KIF1C: variants seen among roughly 807,000 people sequenced by gnomAD.
KIF1C encodes kinesin family member 1C.
Under a neutral mutation model 126.5 loss-of-function variants are expected in KIF1C, and 61 were observed. That is an observed-to-expected ratio of 0.48 (90% CI 0.39 to 0.60). KIF1C has a LOEUF of 0.60. Among genes scored for constraint, KIF1C ranks in the 20% least tolerant of loss-of-function variants. The pLI is 0.00. For synonymous variants in KIF1C, 640 were observed against 580.6 expected, an observed-to-expected ratio of 1.10 and a Z score of -1.47; for missense variants, 1,315 against 1,489.2, an observed-to-expected ratio of 0.88 and a Z score of 1.93.
rs1975192059 is a variant in KIF1C at position 5,025,361 on chromosome 17, G to C, written c.*1210G>C. ...GGGGTACAGAGGAGTTCTGCTTTAA[G>C]TCACCTAACTTACTTGAAAGGTCTC... On this transcript the variant is annotated 3_prime_UTR_variant, in exon 23 of 23. Transcript: ENST00000320785. 6.6e-6 allele frequency: 1 copy of C among 152,240 alleles called. No individual in the cohort carries two copies. Among genetic ancestry groups the C allele is most frequent in the Non-Finnish European group, 1.5e-5 (1 of 68,054 alleles). 9.4% of individuals were successfully genotyped at this position (152,240 alleles called of 1,614,324 possible).
Position 5,023,459 on chromosome 17 carries a change from C to G in KIF1C, c.2629-9C>G. 6.2e-7 allele frequency: 1 copy of G among 1,611,652 alleles called. No homozygotes were observed. Among genetic ancestry groups the G allele is most frequent in the Non-Finnish European group, 8.5e-7 (1 of 1,178,046 alleles). Reference sequence around the variant, plus strand: ...CATCCCTTCTCCTTTTCTCACTCCTCCCTCCCAGGATCATGAGGATGAGAA... The same window carrying G: ...CATCCCTTCTCCTTTTCTCACTCCTGCCTCCCAGGATCATGAGGATGAGAA... On this transcript the variant is annotated splice_polypyrimidine_tract_variant and intron_variant, in intron 22 of 22. Transcript: ENST00000320785. The surrounding 1 kb of genome is among the most constrained non-coding windows in gnomAD (Gnocchi z 4.2).
At chr17:5,015,295 T>C (rs947743324) in intron 18 of KIF1C, among the ~76,000 whole-genome samples, 2 of 151,684 alleles carry the variant, frequency 1.3e-5, no homozygotes, top group Non-Finnish European at 3.0e-5. Context: ...TTTTCTTTTT[T>C]TTTTGAGACG....
intron 16 of KIF1C, among the ~76,000 whole-genome samples, chr17:5,008,587 G>C (rs898427077): frequency 6.6e-6 from 1 of 152,232 alleles, no homozygotes; most frequent in African/African-American, 2.4e-5. Context: ...TGTAAAGTCA[G>C]GTCCATCTGG....
chr17:5,002,241 G>C (rs1974612936), intron 6 of KIF1C, 117 bp downstream of exon 6: 2 of 1,073,938 alleles, frequency 1.9e-6, no homozygotes. Flanking sequence ...TGTGACTTTG[G>C]GGCAGTGATT....
At chr17:5,012,461 T>A (rs1974886585) in intron 16 of KIF1C, among the ~76,000 whole-genome samples, 1 of 150,368 alleles carries the variant, frequency 6.7e-6, no homozygotes, top group South Asian at 2.1e-4. Flanking sequence ...GTCCGCTGAG[T>A]GGAAGTACAG....
Position 5,024,068 on chromosome 17 carries a change from C to T in KIF1C, c.3229C>T (p.Arg1077Cys), listed in dbSNP as rs199800684. ...PYPAQRPPGP[R>C]YPPYTTPPRM... ...CCCAGCCCAGCGGCCCCCAGGGCCC[C>T]GCTACCCCCCATACACTACTCCCCC... Residue 1077 changes from arginine (R) to cysteine (C), a missense_variant, in exon 23 of 23, where the codon CGC becomes TGC. Transcript: ENST00000320785. The T allele has an allele frequency of 2.7e-5, 43 of 1,587,578 alleles. No homozygotes were observed. The highest frequency in any genetic ancestry group is 3.4e-4 in the Middle Eastern group (2 of 5,934).
rs115866901 is a variant in KIF1C at position 5,014,501 on chromosome 17, G to C, written c.1572-242G>C. 4.5e-3 allele frequency among the ~76,000 whole-genome samples: 678 copies of C among 151,690 alleles called. 3 individuals carry two copies. Among genetic ancestry groups the C allele is most frequent in the African/African-American group, 0.016 (648 of 40,984 alleles). On this transcript the variant is annotated intron_variant, in intron 17 of 22. Coordinates refer to ENST00000320785, the MANE Select transcript of KIF1C (RefSeq NM_006612.6). ...TTCAAGAGAAGTTGGCGAGCCTGCT[G>C]TATAACATGGTGACTAAGAGCATGG... is the stretch of plus-strand genomic sequence containing the variant.
chr17:5,022,102 C>A lies in KIF1C; in HGVS notation c.2021C>A (p.Ser674Ter). Residue 674 changes from serine to a stop codon, truncating the protein, a stop_gained, in exon 22 of 23, where the codon TCG becomes TAG. Coordinates refer to ENST00000320785, the MANE Select transcript of KIF1C (RefSeq NM_006612.6). LOFTEE classifies it high-confidence loss of function. The surrounding 1 kb of genome is among the most constrained non-coding windows in gnomAD (Gnocchi z 4.9). ...TTTCTCTGGCCCCAGTATGCAGACT[C>A]GGACAGCGGGGATGACTCTGACAAG... ...LLEQQRLYAD[S>*]DSGDDSDKRS... 1 of 1,603,192 alleles carries A rather than the reference C, an allele frequency of 6.2e-7. No homozygotes were observed. Among genetic ancestry groups the A allele is most frequent in the South Asian group, 1.1e-5 (1 of 90,354 alleles).
chr17:5,015,489 G>A (rs1974953297), intron 18 of KIF1C, among the ~76,000 whole-genome samples: 1 of 151,194 alleles, frequency 6.6e-6, no homozygotes, highest in South Asian at 2.1e-4. Flanking sequence ...CTCCCATGTT[G>A]GTCAGGCTGG....
In KIF1C at chr17:5,004,902, A is replaced by G. The variant is rs747008418; in HGVS notation, c.1067A>G (p.Glu356Gly). Residue 356 changes from glutamate (E) to glycine (G), a missense_variant, in exon 13 of 23, where the codon GAG (glutamate) becomes GGG (glycine). Coordinates refer to ENST00000320785, the MANE Select transcript of KIF1C (RefSeq NM_006612.6). ...ATCCGCTGCAATGCCATCATCAACG[A>G]GGACCCTAATGCCCGGCTGATTAGA... ...KQIRCNAIIN[E>G]DPNARLIREL... 1 of 1,614,252 alleles carries G rather than the reference A, an allele frequency of 6.2e-7. No individual in the cohort carries two copies. Among genetic ancestry groups the G allele is most frequent in the Non-Finnish European group, 8.5e-7 (1 of 1,180,040 alleles).
chr17:5,007,260 C>G lies in KIF1C; in HGVS notation c.1336-3C>G. The G allele has an allele frequency of 6.2e-7, 1 of 1,606,284 alleles. No homozygotes were observed. The highest frequency in any genetic ancestry group is 8.5e-7 in the Non-Finnish European group (1 of 1,176,314). The stretch of plus-strand genomic sequence containing the variant: ...CTGAAACCTACCCACCTTACGCCCC[C>G]AGGAGACAGAGAAGATTATAGCTGA... On this transcript the variant is annotated splice_polypyrimidine_tract_variant and splice_region_variant and intron_variant, in intron 14 of 22. Transcript: ENST00000320785.
intron 17 of KIF1C, 37 bp from the exon 18 acceptor site, chr17:5,014,706 G>C: frequency 6.7e-7 from 1 of 1,487,012 alleles, no homozygotes; most frequent in Non-Finnish European, 9.2e-7. Context: ...GTTAAAGTCT[G>C]GCACATGCTC....
Position 5,023,399 on chromosome 17 carries a change from T to C in KIF1C, c.2629-69T>C. The C allele has an allele frequency of 2.2e-6, 3 of 1,349,508 alleles. No individual in the cohort carries two copies. The highest frequency in any genetic ancestry group is 3.1e-6 in the Non-Finnish European group (3 of 963,906). The allele number at this position is 1,349,508 out of a possible 1,614,324, so 83.6% of individuals were successfully genotyped here. A position where few individuals can be genotyped will look rare whatever the true frequency, so the allele number is the denominator to read the frequency against. On this transcript the variant is annotated intron_variant, in intron 22 of 22. Coordinates refer to ENST00000320785, the MANE Select transcript of KIF1C (RefSeq NM_006612.6). The surrounding 1 kb of genome is among the most constrained non-coding windows in gnomAD (Gnocchi z 4.2). ...ACATCCAGCCACTCCAGGTCCCTCT[T>C]GAATCCACATGTCCTGAGGATTCAG... is the stretch of plus-strand genomic sequence containing the variant.
At position 5,023,904 on chromosome 17, in the gene KIF1C, G is replaced by A. The variant is rs1975149290; in HGVS notation, c.3065G>A (p.Ser1022Asn). The part of the protein sequence containing the change: ...HPATPARRPP[S>N]PRRSHHPRRN... Reference sequence around the variant, plus strand: ...GCCACCCCTGCCCGCCGGCCTCCGAGTCCCCGAAGGTCCCACCATCCCCGC... The same window carrying A: ...GCCACCCCTGCCCGCCGGCCTCCGAATCCCCGAAGGTCCCACCATCCCCGC... The change falls in exon 23 of 23, where the codon AGT (serine) becomes AAT (asparagine). Residue 1022 changes from serine (S) to asparagine (N), a missense_variant. By Grantham distance (46) the Ser-to-Asn change is conservative (BLOSUM62 1). Coordinates refer to ENST00000320785, the MANE Select transcript of KIF1C (RefSeq NM_006612.6). This position sits in a 1 kb window ranked among gnomAD's most constrained non-coding sequence, Gnocchi z 4.2. The A allele has an allele frequency of 1.3e-6, 2 of 1,553,310 alleles. No homozygotes were observed. Among genetic ancestry groups the A allele is most frequent in the South Asian group, 1.2e-5 (1 of 82,276 alleles).
Position 5,002,859 on chromosome 17 carries a change from C to T in KIF1C, c.720+17C>T, listed in dbSNP as rs753249003. The T allele has an allele frequency of 1.3e-5, 20 of 1,578,402 alleles. No individual in the cohort carries two copies. Among genetic ancestry groups the T allele is most frequent in the Admixed American group, 1.7e-5 (1 of 59,760 alleles). Reference sequence around the variant, plus strand: ...TCGGAGAAGGTGGGATCGCCCCCCCCCCCACTCCCCCACCGGATGCAACCT... The same window carrying T: ...TCGGAGAAGGTGGGATCGCCCCCCCTCCCACTCCCCCACCGGATGCAACCT... On this transcript the variant is annotated intron_variant, in intron 8 of 22. Coordinates refer to ENST00000320785, the MANE Select transcript of KIF1C (RefSeq NM_006612.6).
chr17:5,020,621 C>T lies in KIF1C; in HGVS notation c.1880C>T (p.Ala627Val). 6.2e-7 allele frequency: 1 copy of T among 1,614,214 alleles called. No homozygotes were observed. Among genetic ancestry groups the T allele is most frequent in the Non-Finnish European group, 8.5e-7 (1 of 1,180,018 alleles). The change falls in exon 20 of 23, where the codon GCC (alanine) becomes GTC (valine). Residue 627 changes from alanine to valine, a missense_variant. This residue lies in a region of KIF1C where 874 missense variants were observed against 1,053.2 expected (regional missense o/e 0.83). Coordinates refer to ENST00000320785, the MANE Select transcript of KIF1C (RefSeq NM_006612.6). The surrounding 1 kb of genome is among the most constrained non-coding windows in gnomAD (Gnocchi z 5.8). ...TCTGAGCCAGTCGACTGGAACTTTG[C>T]CCAGAAGGAACTGCTGGAGCAGCAA... is the stretch of plus-strand genomic sequence containing the variant. ...PPSEPVDWNF[A>V]QKELLEQQGI...
chr17:5,002,815 C>T lies in KIF1C; in HGVS notation c.693C>T (p.Asp231=). The change falls in exon 8 of 23, where the codon GAC becomes GAT. Residue 231 remains aspartate, a synonymous_variant. Transcript: ENST00000320785. ...TCGTCTTCACACAGCGCTGCCATGA[C>T]CAGCTCACGGGGCTGGACTCGGAGA... ...FTIVFTQRCH[D]QLTGLDSEKV... The T allele has an allele frequency of 6.2e-7, 1 of 1,613,640 alleles. No individual in the cohort carries two copies. The highest frequency in any genetic ancestry group is 8.5e-7 in the Non-Finnish European group (1 of 1,179,890).
chr17:5,000,694 G>A lies in KIF1C; in HGVS notation c.107-78G>A, dbSNP rs191842386. ...TGAGGAGTGGGATGCTTGGATTCCAGGGGCTGGTTGGGGTATGGGCAGGGA... is the reference window on the plus strand; with the variant it reads ...TGAGGAGTGGGATGCTTGGATTCCAAGGGCTGGTTGGGGTATGGGCAGGGA... On this transcript the variant is annotated intron_variant, in intron 3 of 22. Transcript: ENST00000320785. 1,037 of 1,295,734 alleles carry A rather than the reference G, an allele frequency of 8.0e-4. 4 individuals carry two copies. The African/African-American group carries it at 0.012, about 15-fold the overall frequency. The allele number at this position is 1,295,734 out of a possible 1,614,324, so 80.3% of individuals were successfully genotyped here.
chr17:5,005,073 C>A, intron 13 of KIF1C, 73 bp downstream of exon 13: 1 of 1,594,916 alleles, frequency 6.3e-7, no homozygotes, highest in Non-Finnish European at 8.6e-7. Context: ...TGCCTTTGCC[C>A]AGTCCTGGAG....
Sources: allele counts gnomAD v4.1 joint callset (sites outside exome capture counted in the v4.1 genomes callset), GRCh38; gene constraint gnomAD v4.1.1; regional missense constraint gnomAD v4.1.1; non-coding constraint Gnocchi (gnomAD v3.1); transcripts MANE v1.5; gene names NCBI Gene and HGNC (gene_info 2026-07-23, HGNC 2026-07-21).